The following DNAJC1 variants were observed in gnomAD, a reference collection of about 807,000 sequenced individuals.
DNAJC1 encodes the protein DnaJ heat shock protein family (Hsp40) member C1.
DNAJC1 carries 58 observed loss-of-function variants against 76.6 expected under a neutral mutation model. The observed-to-expected ratio is 0.76, with a 90% confidence interval of 0.61 to 0.94. The LOEUF (loss-of-function observed/expected upper bound fraction) is 0.94, where lower values mean the gene tolerates loss of function less well. DNAJC1 is among the 40% of genes least tolerant of loss of function. The pLI is 0.00. For synonymous variants in DNAJC1, 258 were observed against 267.9 expected (o/e 0.96, Z 0.36); for missense variants, 689 against 677.3 (o/e 1.02, Z -0.19).
intron 7 of DNAJC1, among the ~76,000 whole-genome samples, chr10:21,903,102 T>C (rs1836684976): frequency 6.6e-6 from 1 of 152,110 alleles, no homozygotes; most frequent in African/African-American, 2.4e-5. Flanking sequence ...AATTTTTGTA[T>C]TTTTAGTAGA....
At chr10:21,814,236 C>G (rs1318058407) in intron 8 of DNAJC1, among the ~76,000 whole-genome samples, 1 of 152,124 alleles carries the variant, frequency 6.6e-6, no homozygotes, top group African/African-American at 2.4e-5. Flanking sequence ...TGGCTGCATG[C>G]TGAATACCAG....
chr10:21,834,501 G>A (rs556152836), intron 8 of DNAJC1, among the ~76,000 whole-genome samples: 5 of 152,298 alleles, frequency 3.3e-5, no homozygotes, highest in South Asian at 2.1e-4. Flanking sequence ...CGCACCGTAC[G>A]CGAGCCGAAG....
chr10:21,841,161 C>G (rs1835568546), intron 8 of DNAJC1, among the ~76,000 whole-genome samples: 1 of 152,124 alleles, frequency 6.6e-6, no homozygotes, highest in Admixed American at 6.5e-5. Flanking sequence ...TAGAAGAAAA[C>G]CTAGGCAATA....
At chr10:21,897,193 T>A (rs1045158676) in intron 7 of DNAJC1, among the ~76,000 whole-genome samples, 2 of 152,142 alleles carry the variant, frequency 1.3e-5, no homozygotes, top group African/African-American at 4.8e-5. Context: ...GATGTAAAAT[T>A]CTTTAACAAA....
intron 7 of DNAJC1, among the ~76,000 whole-genome samples, chr10:21,903,888 T>C (rs935970516): frequency 3.9e-5 from 6 of 152,022 alleles, no homozygotes; most frequent in Non-Finnish European, 8.8e-5. Flanking sequence ...GGAATAAAAA[T>C]AAAGAAATGC....
At chr10:21,983,520 T>C (rs1838189851) in intron 1 of DNAJC1, among the ~76,000 whole-genome samples, 1 of 151,846 alleles carries the variant, frequency 6.6e-6, no homozygotes, top group Non-Finnish European at 1.5e-5. Context: ...AGGCCAGGAG[T>C]TCGAGACCAG....
chr10:21,959,538 C>T (rs959981690), intron 1 of DNAJC1, among the ~76,000 whole-genome samples: 1 of 151,956 alleles, frequency 6.6e-6, no homozygotes, highest in Admixed American at 6.5e-5. Context: ...TGCCTGTGAT[C>T]CCAGCACTTT....
chr10:21,959,673 C>T (rs1837752850), intron 1 of DNAJC1, among the ~76,000 whole-genome samples: 1 of 151,654 alleles, frequency 6.6e-6, no homozygotes, highest in South Asian at 2.1e-4. Flanking sequence ...GTAGTCCCAG[C>T]TACCCGGGAG....
chr10:21,761,549 T>A (rs1306574615), intron 10 of DNAJC1, among the ~76,000 whole-genome samples: 13 of 131,464 alleles, frequency 9.9e-5, no homozygotes, highest in Admixed American at 2.3e-4. Flanking sequence ...AGACTCCGTC[T>A]AAAAAAAAAA....
chr10:21,759,243 G>C lies in DNAJC1; in HGVS notation c.1523C>G (p.Ala508Gly), dbSNP rs767013536. The C allele has an allele frequency of 6.2e-6, 10 of 1,614,192 alleles. No homozygotes were observed. The East Asian group carries it at 2.2e-4, about 36-fold the overall frequency. Residue 508 changes from alanine to glycine, a missense_variant, in exon 11 of 12, where the codon GCG becomes GGG. Coordinates refer to ENST00000376980, the MANE Select transcript of DNAJC1 (RefSeq NM_022365.4). ...TQNQQKLLEL[A>G]LQQYPRGSSD... is the part of the protein sequence containing the mutation. ...GGATCCCCTTGGGTACTGCTGCAAC[G>C]CCAGTTCCAGAAGTTTCTGTTGATT...
chr10:21,959,979 C>T (rs1022706630), intron 1 of DNAJC1, among the ~76,000 whole-genome samples: 1 of 152,130 alleles, frequency 6.6e-6, no homozygotes, highest in Admixed American at 6.5e-5. Flanking sequence ...CAAAAGCATA[C>T]TCAGAATCTG....
chr10:21,795,588 C>T (rs577672050), intron 9 of DNAJC1, among the ~76,000 whole-genome samples: 4 of 152,124 alleles, frequency 2.6e-5, no homozygotes, highest in African/African-American at 4.8e-5. Context: ...GGGAACACTT[C>T]GGGTGATGAA....
chr10:21,837,927 C>G (rs1429991626), intron 8 of DNAJC1, among the ~76,000 whole-genome samples: 3 of 147,370 alleles, frequency 2.0e-5, no homozygotes, highest in African/African-American at 7.4e-5. Context: ...TGGCGGGCAG[C>G]CCCCGCCCGG....
At chr10:21,830,685 T>C (rs903234679) in intron 8 of DNAJC1, among the ~76,000 whole-genome samples, 5 of 152,232 alleles carry the variant, frequency 3.3e-5, no homozygotes, top group African/African-American at 1.2e-4. Context: ...TTCTCATTCT[T>C]TCTTTCTGAA....
intron 1 of DNAJC1, among the ~76,000 whole-genome samples, chr10:21,974,046 G>C (rs1012926921): frequency 3.3e-5 from 5 of 149,672 alleles, no homozygotes; most frequent in African/African-American, 1.2e-4. Context: ...AGGTTGCAGT[G>C]AGCCGAGATC....
chr10:21,915,845 C>CAA (rs60126807), intron 6 of DNAJC1, among the ~76,000 whole-genome samples: 5 of 123,838 alleles, frequency 4.0e-5, no homozygotes, highest in Admixed American at 1.6e-4. Flanking sequence ...CCCCATCTCC[C>CAA]AAAAAAAAAA....
At chr10:21,999,313 C>T (rs1026587525) in intron 1 of DNAJC1, among the ~76,000 whole-genome samples, 2 of 152,178 alleles carry the variant, frequency 1.3e-5, no homozygotes, top group African/African-American at 4.8e-5. Flanking sequence ...TCATCATCAT[C>T]ATTTAACCCA....
chr10:21,931,148 G>T (rs1837215133), intron 1 of DNAJC1, among the ~76,000 whole-genome samples: 1 of 152,072 alleles, frequency 6.6e-6, no homozygotes, highest in Non-Finnish European at 1.5e-5. Context: ...AGGTGCCTTT[G>T]TCACTGGTGT....
intron 8 of DNAJC1, among the ~76,000 whole-genome samples, chr10:21,863,777 T>G (rs1278578963): frequency 6.6e-6 from 1 of 152,088 alleles, no homozygotes; most frequent in Non-Finnish European, 1.5e-5. Flanking sequence ...GAAAAAAAGA[T>G]CTATTCATGA....
Sources: gnomAD v4.1 joint callset for allele counts (sites outside exome capture counted in the v4.1 genomes callset) on GRCh38, gnomAD v4.1.1 for gene constraint, MANE v1.5 for transcripts, NCBI Gene and HGNC (gene_info 2026-07-23, HGNC 2026-07-21) for gene names.